Variants in SUCO observed in about 807,000 individuals in gnomAD.
SUCO encodes the protein SUN domain-containing ossification factor.
A neutral mutation model predicts 148.1 loss-of-function variants in SUCO; 57 were observed. That is an observed-to-expected ratio of 0.38 (90% CI 0.31 to 0.48). The LOEUF is 0.48. Ranked by LOEUF, SUCO falls within the 20% of genes least tolerant of loss-of-function variation. The pLI, the probability that SUCO is intolerant of heterozygous loss-of-function variation, is 0.96. For missense variants in SUCO, 1,331 were observed against 1,468.2 expected (o/e 0.91, Z 1.53); for synonymous variants, 470 against 502.7 (o/e 0.93, Z 0.87).
In SUCO at chr1:172,566,695, C is replaced by T. The variant is rs140719777; in HGVS notation, c.733-2324C>T. On this transcript the variant is annotated intron_variant, in intron 6 of 23. Coordinates refer to ENST00000263688, the MANE Select transcript of SUCO (RefSeq NM_014283.5). ...TATGCAAATTAAGGGGTGGTTTACG[C>T]AGAAATTTCTAGGAAAATGGTGGTA... Among the ~76,000 whole-genome samples the T allele has an allele frequency of 3.4e-4, 52 of 152,316 alleles. No homozygotes were observed. In the South Asian group the frequency reaches 0.01, roughly 30 times the overall value.
intron 6 of SUCO, among the ~76,000 whole-genome samples, chr1:172,560,000 C>T (rs991831996): frequency 1.3e-5 from 2 of 152,166 alleles, no homozygotes; most frequent in African/African-American, 4.8e-5. Flanking sequence ...TGCACAAGGA[C>T]AGAGATCCAT....
At chr1:172,585,987 A>G (rs1656211703) in intron 17 of SUCO, 39 bp downstream of exon 17, 2 of 1,319,152 alleles carry the variant, frequency 1.5e-6, no homozygotes, top group Non-Finnish European at 2.1e-6. Flanking sequence ...TTTTGTTACA[A>G]TGGAGAGATA....
chr1:172,553,028 A>G (rs774612289), intron 2 of SUCO, among the ~76,000 whole-genome samples: 37 of 152,212 alleles, frequency 2.4e-4, no homozygotes, highest in Middle Eastern at 3.4e-3. Context: ...AATGCTTATT[A>G]AGAAATCAAA....
chr1:172,565,996 C>G (rs926434726), intron 6 of SUCO, among the ~76,000 whole-genome samples: 14 of 152,194 alleles, frequency 9.2e-5, no homozygotes, highest in African/African-American at 3.4e-4. Context: ...GGGTCTTCAT[C>G]CAGGTTCCCT....
chr1:172,538,220 C>T (rs144592811), intron 1 of SUCO, among the ~76,000 whole-genome samples: 5 of 150,262 alleles, frequency 3.3e-5, no homozygotes, highest in African/African-American at 9.7e-5. Flanking sequence ...GGTCCTAAGT[C>T]GTGGTCCCAC....
chr1:172,578,234 G>A, intron 13 of SUCO, 64 bp from the exon 14 acceptor site: 1 of 1,215,142 alleles, frequency 8.2e-7, no homozygotes, highest in Non-Finnish European at 1.2e-6. Flanking sequence ...GTCATTTATT[G>A]TGAAGAGATT....
At chr1:172,552,104 G>C (rs1653350065) in intron 2 of SUCO, 1 of 152,040 alleles carries the variant, frequency 6.6e-6, no homozygotes, top group Admixed American at 6.6e-5. Flanking sequence ...TAAATGGAGA[G>C]TATTGACTTG....
At chr1:172,600,041 A>G in intron 19 of SUCO, 23 bp from the exon 20 acceptor site, 1 of 1,520,134 alleles carries the variant, frequency 6.6e-7, no homozygotes, top group Non-Finnish European at 8.9e-7. Context: ...ATATTCAAAA[A>G]AAAATAAATT....
At chr1:172,554,603 G>A (rs2149230833) in intron 3 of SUCO, among the ~76,000 whole-genome samples, 1 of 152,102 alleles carries the variant, frequency 6.6e-6, no homozygotes, top group South Asian at 2.1e-4. Flanking sequence ...CAGGTGTGGT[G>A]GTGCACGCCT....
chr1:172,594,981 T>C (rs900590191), intron 19 of SUCO, among the ~76,000 whole-genome samples: 7 of 152,208 alleles, frequency 4.6e-5, no homozygotes, highest in African/African-American at 1.7e-4. Flanking sequence ...TGGGTGCATA[T>C]ATGTATTTAG....
chr1:172,584,732 C>T (rs1187559790), intron 15 of SUCO, among the ~76,000 whole-genome samples: 1 of 152,058 alleles, frequency 6.6e-6, no homozygotes, highest in Non-Finnish European at 1.5e-5. Flanking sequence ...GCCGAGATTG[C>T]ACCACTGCAC....
intron 22 of SUCO, chr1:172,603,144 T>TA (rs1479810358): frequency 5.6e-6 from 1 of 180,006 alleles, no homozygotes; most frequent in Non-Finnish European, 1.2e-5. Context: ...CTCCTCTTCT[T>TA]ATACAGGTAG....
chr1:172,607,697 T>G (rs930561191), intron 22 of SUCO, among the ~76,000 whole-genome samples: 1 of 151,928 alleles, frequency 6.6e-6, no homozygotes, highest in Non-Finnish European at 1.5e-5. Flanking sequence ...CATTACTTAG[T>G]TGCTTTCATT....
chr1:172,585,161 G>C, intron 16 of SUCO, 75 bp downstream of exon 16: 1 of 1,171,596 alleles, frequency 8.5e-7, no homozygotes, highest in Non-Finnish European at 1.2e-6. Context: ...ATCAAGTAAT[G>C]AGTTAAGAAA....
At chr1:172,544,133 T>G (rs1652697811) in intron 1 of SUCO, 3 of 974,878 alleles carry the variant, frequency 3.1e-6, no homozygotes, top group Middle Eastern at 5.2e-4. Context: ...TTTTCACTGA[T>G]AACTTTAACC....
In SUCO at chr1:172,589,198, G is replaced by A. The variant is rs2149260378; in HGVS notation, c.2097G>A (p.Leu699=). ...AAAGGGAAGCTGAAACTGTTGTTCT[G>A]GGTGATTTAAGTAGTAGTATGCACC... The part of the protein sequence containing the change: ...NIEREAETVV[L]GDLSSSMHQD... Residue 699 remains leucine, a synonymous_variant, in exon 18 of 24, where the codon CTG becomes CTA. Coordinates refer to ENST00000263688, the MANE Select transcript of SUCO (RefSeq NM_014283.5). The A allele has an allele frequency of 1.2e-6, 2 of 1,614,016 alleles. No homozygotes were observed. Among genetic ancestry groups the A allele is most frequent in the East Asian group, 4.5e-5 (2 of 44,886 alleles).
intron 7 of SUCO, 34 bp from the exon 8 acceptor site, chr1:172,570,013 T>C: frequency 7.5e-7 from 1 of 1,341,234 alleles, no homozygotes; most frequent in South Asian, 2.3e-5. Flanking sequence ...ATCAAATATA[T>C]ATATAAATAT....
At chr1:172,551,130 GT>G (rs1653265271) in intron 1 of SUCO, among the ~76,000 whole-genome samples, 1 of 152,182 alleles carries the variant, frequency 6.6e-6, no homozygotes, top group South Asian at 2.1e-4. Context: ...CTTTTAAACA[GT>G]TGAGGTAACT....
At chr1:172,567,036 A>C (rs1252976556) in intron 6 of SUCO, among the ~76,000 whole-genome samples, 1 of 152,214 alleles carries the variant, frequency 6.6e-6, no homozygotes, top group Admixed American at 6.5e-5. Flanking sequence ...TAGTAAATCA[A>C]CTTGTTCTGT....
Sources: allele counts gnomAD v4.1 joint callset (sites outside exome capture counted in the v4.1 genomes callset), GRCh38; gene constraint gnomAD v4.1.1; transcripts MANE v1.5; gene names NCBI Gene and HGNC (gene_info 2026-07-23, HGNC 2026-07-21).